Variants in FOXRED2 observed in about 807,000 individuals in gnomAD.
FOXRED2 encodes the protein FAD-dependent oxidoreductase domain-containing protein 2.
A neutral mutation model predicts 52.5 loss-of-function variants in FOXRED2; 32 were observed. The observed-to-expected ratio is 0.61, with a 90% confidence interval of 0.46 to 0.82. The LOEUF is 0.82. FOXRED2 is among the 40% of genes least tolerant of loss of function. The pLI, the probability that FOXRED2 is intolerant of heterozygous loss-of-function variation, is 0.00. For missense variants in FOXRED2, 848 were observed against 937.5 expected (o/e 0.90, Z 1.25); for synonymous variants, 405 against 398.1 (o/e 1.02, Z -0.21).
rs377558967 is a variant in FOXRED2, at chr22:36,506,270, G to C, written c.153C>G (p.Arg51=). The change falls in exon 2 of 9, where the codon CGC becomes CGG. Residue 51 remains arginine, a synonymous_variant. Coordinates refer to ENST00000397224, the MANE Select transcript of FOXRED2 (RefSeq NM_001102371.2). The part of the protein sequence containing the change: ...AGLQMAYFLQ[R]AGRDYAVFER... ...CGAACACTGCGTAGTCGCGTCCAGC[G>C]CGCTGCAGGAAGTAGGCCATCTGCA... 2 of 1,606,230 alleles carry C rather than the reference G, an allele frequency of 1.2e-6. No homozygotes were observed. Among genetic ancestry groups the C allele is most frequent in the Admixed American group, 3.3e-5 (2 of 59,724 alleles).
chr22:36,489,605 T>C lies in FOXRED2; in HGVS notation c.*403A>G, dbSNP rs2281085. ...TTGTTTTAAAGCGCTTGCCACAAAC[T>C]CTTAAGATGCGGATGGGTTTCCCCT... is the stretch of plus-strand genomic sequence containing the variant. On this transcript the variant is annotated 3_prime_UTR_variant, in exon 9 of 9. Coordinates refer to ENST00000397224, the MANE Select transcript of FOXRED2 (RefSeq NM_001102371.2). The C allele has an allele frequency of 0.15, 24,695 of 166,650 alleles. 2,193 individuals carry two copies. The highest frequency in any genetic ancestry group is 0.25 in the African/African-American group (10,642 of 42,008). 10.3% of individuals were successfully genotyped at this position (166,650 alleles called of 1,614,324 possible).
chr22:36,489,120 A>G lies in FOXRED2; in HGVS notation c.*888T>C, dbSNP rs1218710407. The G allele has an allele frequency of 6.6e-6, 1 of 152,254 alleles. No homozygotes were observed. 9.4% of individuals were successfully genotyped at this position (152,254 alleles called of 1,614,324 possible). On this transcript the variant is annotated 3_prime_UTR_variant, in exon 9 of 9. Coordinates refer to ENST00000397224, the MANE Select transcript of FOXRED2 (RefSeq NM_001102371.2). ...GAGCACATATGGGTGCCAGCCCGAGACAGCAGGATAAGTTTCACAAAACTT... is the reference window on the plus strand; with the variant it reads ...GAGCACATATGGGTGCCAGCCCGAGGCAGCAGGATAAGTTTCACAAAACTT...
Position 36,501,535 on chromosome 22 carries a change from A to G in FOXRED2, c.1050-128T>C, listed in dbSNP as rs980590683. On this transcript the variant is annotated intron_variant, in intron 4 of 8. Transcript: ENST00000397224. ...GAGTACAATGGCGTGATCTCGGCTC[A>G]CTGCAACCTCTGCCTCCTGGGTTCA... 30 of 848,024 alleles carry G rather than the reference A, an allele frequency of 3.5e-5. No homozygotes were observed. The South Asian group carries it at 4.9e-4, about 14-fold the overall frequency. 52.5% of individuals were successfully genotyped at this position (848,024 alleles called of 1,614,324 possible).
intron 8 of FOXRED2, 27 bp downstream of exon 8, chr22:36,493,606 C>G (rs771192890): frequency 1.9e-6 from 3 of 1,606,788 alleles, no homozygotes; most frequent in Non-Finnish European, 2.6e-6. Flanking sequence ...AGCTCAGACC[C>G]TTTGTCTTTC....
At chr22:36,496,473 G>A (rs1233372053) in intron 6 of FOXRED2, among the ~76,000 whole-genome samples, 2 of 152,038 alleles carry the variant, frequency 1.3e-5, no homozygotes, top group Admixed American at 1.3e-4. Flanking sequence ...AAAGCCCTGA[G>A]GAGTATGTGA....
Position 36,505,750 on chromosome 22 carries a change from G to A in FOXRED2, c.527+146C>T, listed in dbSNP as rs542414247. 1.1e-4 allele frequency: 97 copies of A among 888,076 alleles called. No homozygotes were observed. The African/African-American group carries it at 1.2e-3, about 11-fold the overall frequency. 55.0% of individuals were successfully genotyped at this position (888,076 alleles called of 1,614,324 possible). On this transcript the variant is annotated intron_variant, in intron 2 of 8. Coordinates refer to ENST00000397224, the MANE Select transcript of FOXRED2 (RefSeq NM_001102371.2). ...CGTGCCATTGCACTCCAGCCTGGGCGACAGAGTGAGACTCCGTCTTAAAAA... is the reference window on the plus strand; with the variant it reads ...CGTGCCATTGCACTCCAGCCTGGGCAACAGAGTGAGACTCCGTCTTAAAAA...
chr22:36,499,625 CA>C (rs1214193621), intron 5 of FOXRED2, among the ~76,000 whole-genome samples: 10 of 151,404 alleles, frequency 6.6e-5, no homozygotes, highest in Admixed American at 1.3e-4. Context: ...GACGCTGTCT[CA>C]AAAAAAATAA....
chr22:36,490,301 G>A, intron 8 of FOXRED2, 34 bp from the exon 9 acceptor site: 1 of 1,556,094 alleles, frequency 6.4e-7, no homozygotes, highest in South Asian at 1.2e-5. Flanking sequence ...AATGAGCCAG[G>A]CTGGGACATG....
At chr22:36,497,070 C>T (rs1034063296) in intron 6 of FOXRED2, among the ~76,000 whole-genome samples, 2 of 152,112 alleles carry the variant, frequency 1.3e-5, no homozygotes, top group Non-Finnish European at 2.9e-5. Flanking sequence ...ATCCCAGCTA[C>T]TCGGGAGGCT....
At chr22:36,495,763 T>A (rs1418020904) in intron 7 of FOXRED2, among the ~76,000 whole-genome samples, 2 of 152,256 alleles carry the variant, frequency 1.3e-5, no homozygotes, top group Non-Finnish European at 2.9e-5. Flanking sequence ...CCGCATGGCC[T>A]GTGCCAGTCA....
chr22:36,502,023 C>G lies in FOXRED2; in HGVS notation c.1050-616G>C, dbSNP rs541325952. ...TATGAAAAAATACAAAAAGAGTTAG[C>G]TGGGGGTGGTGGTGCAATGGCTGTA... On this transcript the variant is annotated intron_variant, in intron 4 of 8. Transcript: ENST00000397224. Among the ~76,000 whole-genome samples, 7 of 152,050 alleles carry G rather than the reference C, an allele frequency of 4.6e-5. No individual in the cohort carries two copies. The South Asian group carries it at 1.5e-3, about 32-fold the overall frequency.
intron 8 of FOXRED2, among the ~76,000 whole-genome samples, 163 bp downstream of exon 8, chr22:36,493,470 T>C (rs1163264014): frequency 6.6e-6 from 1 of 151,974 alleles, no homozygotes; most frequent in Admixed American, 6.6e-5. Flanking sequence ...TATTATCCAT[T>C]ATTTTTAGGT....
chr22:36,500,645 G>A (rs532896958), intron 5 of FOXRED2, among the ~76,000 whole-genome samples: 235 of 143,468 alleles, frequency 1.6e-3, no homozygotes, highest in Non-Finnish European at 2.9e-3. Flanking sequence ...GTGCAATGGT[G>A]CGATCTCAGC....
intron 7 of FOXRED2, among the ~76,000 whole-genome samples, chr22:36,494,490 C>A (rs1231775946): frequency 6.6e-6 from 1 of 152,128 alleles, no homozygotes; most frequent in Non-Finnish European, 1.5e-5. Flanking sequence ...TCTCAGCACT[C>A]ATCTAGTTCA....
In FOXRED2 at chr22:36,504,258, G is replaced by T; in HGVS notation, c.889C>A (p.His297Asn). 1 of 1,614,224 alleles carries T rather than the reference G, an allele frequency of 6.2e-7. No individual in the cohort carries two copies. ...AILKDSKGKF[H>N]VTPKFFLEEA... ...TCCAGGAAGAATTTCGGGGTGACAT[G>T]GAACTTGCCTTTGCTGTCCTTCAGG... is the stretch of plus-strand genomic sequence containing the variant. The change falls in exon 4 of 9, where the codon CAT (histidine) becomes AAT (asparagine). Residue 297 changes from histidine (H) to asparagine (N), a missense_variant. Coordinates refer to ENST00000397224, the MANE Select transcript of FOXRED2 (RefSeq NM_001102371.2).
chr22:36,491,481 C>T (rs1250883360), intron 8 of FOXRED2, among the ~76,000 whole-genome samples: 5 of 152,072 alleles, frequency 3.3e-5, no homozygotes, highest in Admixed American at 2.6e-4. Flanking sequence ...CAGCTCACTA[C>T]AACCTCTGCC....
chr22:36,492,658 A>G (rs1933786437), intron 8 of FOXRED2, among the ~76,000 whole-genome samples: 1 of 152,128 alleles, frequency 6.6e-6, no homozygotes, highest in African/African-American at 2.4e-5. Context: ...CTGGGATTAC[A>G]GGCACCCACC....
rs557756197 is a variant in FOXRED2 at position 36,493,755 on chromosome 22, G to A, written c.1673C>T (p.Thr558Met). 185 of 1,614,180 alleles carry A rather than the reference G, an allele frequency of 1.1e-4. 4 individuals carry two copies. The South Asian group carries it at 1.9e-3, about 17-fold the overall frequency. ...RPAHWPLPRP[T>M]AIHHIVEDFL... ...GTCTTCCACGATGTGATGGATGGCCGTGGGCCGAGGCAGGGGCCAGTGTGC... is the reference window on the plus strand; with the variant it reads ...GTCTTCCACGATGTGATGGATGGCCATGGGCCGAGGCAGGGGCCAGTGTGC... The change falls in exon 8 of 9, where the codon ACG (threonine) becomes ATG (methionine). Residue 558 changes from threonine (T) to methionine (M), a missense_variant. Coordinates refer to ENST00000397224, the MANE Select transcript of FOXRED2 (RefSeq NM_001102371.2).
chr22:36,498,189 C>T (rs150700860), intron 5 of FOXRED2, 33 bp from the exon 6 acceptor site: 95 of 1,588,606 alleles, frequency 6.0e-5, no homozygotes, highest in Non-Finnish European at 7.6e-5. Flanking sequence ...CGGCACGCTG[C>T]ACTTACCATT....
Sources: allele counts gnomAD v4.1 joint callset (sites outside exome capture counted in the v4.1 genomes callset), GRCh38; gene constraint gnomAD v4.1.1; transcripts MANE v1.5; gene names NCBI Gene and HGNC (gene_info 2026-07-23, HGNC 2026-07-21).